The following FRMD4B variants were observed in gnomAD, a reference collection of about 807,000 sequenced individuals.
FRMD4B encodes FERM domain-containing protein 4B.
In FRMD4B, 74 loss-of-function variants were observed where a neutral mutation model predicts 141.5. The observed-to-expected ratio is 0.52, with a 90% CI of 0.43 to 0.63. The LOEUF is 0.63. Among genes scored for constraint, FRMD4B ranks in the 30% least tolerant of loss-of-function variants. The probability of loss-of-function intolerance (pLI) is 0.00; values close to 1 mark genes in which losing one functional copy is unlikely to be tolerated. For missense variants in FRMD4B, 1,366 were observed against 1,253.4 expected, an observed-to-expected ratio of 1.09 and a Z score of -1.36; for synonymous variants, 506 against 467.9, an observed-to-expected ratio of 1.08 and a Z score of -1.05.
chr3:69,321,162 G>C (rs754272463), intron 1 of FRMD4B, among the ~76,000 whole-genome samples: 22 of 152,144 alleles, frequency 1.4e-4, no homozygotes, highest in Non-Finnish European at 7.4e-5. Context: ...AGAGAGGAGA[G>C]TGGGTTGGTA....
At chr3:69,208,508 G>T (rs4428184) in intron 11 of FRMD4B, among the ~76,000 whole-genome samples, 134,991 of 152,152 alleles carry the variant, frequency 0.89, 60,750 homozygotes, top group Middle Eastern at 0.99. Flanking sequence ...CTTCTCCTGG[G>T]TTTCTAACAT....
At chr3:69,397,310 A>T (rs1704489791) in intron 2 of FRMD4B, among the ~76,000 whole-genome samples, 1 of 152,104 alleles carries the variant, frequency 6.6e-6, no homozygotes, top group Non-Finnish European at 1.5e-5. Context: ...GTTGCCAGGG[A>T]GTTGGGGCGT....
At chr3:69,303,862 G>A (rs1481018929) in intron 3 of FRMD4B, among the ~76,000 whole-genome samples, 2 of 152,134 alleles carry the variant, frequency 1.3e-5, no homozygotes, top group Non-Finnish European at 1.5e-5. Flanking sequence ...TGGGCCCAGG[G>A]AAGTCAAGGC....
At position 69,384,164 on chromosome 3, in the gene FRMD4B, T is replaced by C. The variant is rs778876631; in HGVS notation, c.162+1664A>G. 8.5e-5 allele frequency among the ~76,000 whole-genome samples: 13 copies of C among 152,102 alleles called. 1 individual carries two copies. The highest frequency in any genetic ancestry group is 1.3e-4 in the Non-Finnish European group (9 of 68,026). ...GTATTGGCTCAGTCACCATCCATTT[T>C]AGAGAAAAGAAAAAAATACATATAT... is the stretch of plus-strand genomic sequence containing the variant. On this transcript the variant is annotated intron_variant, in intron 1 of 22. Coordinates refer to ENST00000398540, the MANE Select transcript of FRMD4B (RefSeq NM_015123.3).
chr3:69,325,286 C>T (rs1327383932), intron 1 of FRMD4B, among the ~76,000 whole-genome samples: 7 of 152,186 alleles, frequency 4.6e-5, no homozygotes, highest in Admixed American at 3.3e-4. Flanking sequence ...AAAGGCTGGC[C>T]AGTCAATGGA....
At chr3:69,438,263 C>G (rs559783068) in intron 1 of FRMD4B, among the ~76,000 whole-genome samples, 1 of 151,716 alleles carries the variant, frequency 6.6e-6, no homozygotes, top group African/African-American at 2.4e-5. Flanking sequence ...CATTACCACA[C>G]CTGGGTAACT....
intron 4 of FRMD4B, among the ~76,000 whole-genome samples, chr3:69,301,362 A>G (rs542330662): frequency 6.6e-6 from 1 of 151,708 alleles, no homozygotes; most frequent in South Asian, 2.1e-4. Context: ...GAGTCTCACT[A>G]TTGTCCAGGC....
intron 1 of FRMD4B, chr3:69,471,354 T>A (rs1341892204): frequency 1.0e-5 from 2 of 198,768 alleles, no homozygotes. Flanking sequence ...TAAGGATTAA[T>A]GAGATAAGGT....
chr3:69,172,352 T>C (rs1235766513), intron 22 of FRMD4B, among the ~76,000 whole-genome samples: 2 of 152,182 alleles, frequency 1.3e-5, no homozygotes, highest in African/African-American at 2.4e-5. Context: ...CTATAGGACA[T>C]TAACTGGTTT....
chr3:69,384,419 G>C (rs2106696987), intron 1 of FRMD4B, among the ~76,000 whole-genome samples: 1 of 152,062 alleles, frequency 6.6e-6, no homozygotes, highest in South Asian at 2.1e-4. Context: ...ACACTAAAAA[G>C]GAAAAACAAA....
chr3:69,437,230 G>A (rs1705273455), intron 1 of FRMD4B, among the ~76,000 whole-genome samples: 1 of 151,802 alleles, frequency 6.6e-6, no homozygotes, highest in Non-Finnish European at 1.5e-5. Flanking sequence ...GCGCCACCAT[G>A]CCCAGCTTTT....
chr3:69,387,006 CACT>C (rs926257232), upstream of FRMD4B, among the ~76,000 whole-genome samples: 43 of 152,192 alleles, frequency 2.8e-4, no homozygotes, highest in Admixed American at 1.4e-3. Context: ...ACTGTTCCAC[CACT>C]CATGAAGTCA....
At position 69,404,044 on chromosome 3, in the gene FRMD4B, C is replaced by T. The variant is rs1056425916; in HGVS notation, c.-1+28590G>A. Among the ~76,000 whole-genome samples the T allele has an allele frequency of 1.7e-4, 26 of 152,242 alleles. No homozygotes were observed. In the South Asian group the frequency reaches 2.9e-3, roughly 17 times the overall value. ...TCAAGTAGCTAGGACTATAGGCATC[C>T]AACACCACACCTGGCTGTTTAAAAA... On this transcript the variant is annotated intron_variant, in intron 2 of 5. Coordinates refer to the FRMD4B transcript ENST00000459638.
At chr3:69,212,923 A>G (rs2093100624) in intron 11 of FRMD4B, among the ~76,000 whole-genome samples, 1 of 152,222 alleles carries the variant, frequency 6.6e-6, no homozygotes, top group South Asian at 2.1e-4. Flanking sequence ...CATGATAGAC[A>G]GCATTTTGGT....
intron 1 of FRMD4B, among the ~76,000 whole-genome samples, chr3:69,324,800 T>C (rs1297570207): frequency 2.6e-5 from 4 of 151,940 alleles, no homozygotes; most frequent in Non-Finnish European, 5.9e-5. Context: ...AATGAGGAAA[T>C]TGATGGAGAA....
At chr3:69,203,732 G>T (rs1264530258) in intron 11 of FRMD4B, among the ~76,000 whole-genome samples, 3 of 152,190 alleles carry the variant, frequency 2.0e-5, no homozygotes, top group African/African-American at 7.2e-5. Flanking sequence ...CTATGTTTGT[G>T]AAGCACTCAG....
chr3:69,224,554 G>A (rs376867029), intron 8 of FRMD4B, 53 bp downstream of exon 8: 74 of 813,636 alleles, frequency 9.1e-5, no homozygotes, highest in Middle Eastern at 6.6e-4. Context: ...AAAGCATGTA[G>A]TTCTGAATGG....
At chr3:69,465,192 C>A (rs1705763167) in intron 1 of FRMD4B, among the ~76,000 whole-genome samples, 1 of 151,946 alleles carries the variant, frequency 6.6e-6, no homozygotes, top group South Asian at 2.1e-4. Flanking sequence ...CCGTGGCAGG[C>A]ACCTGTAGTC....
rs2046611002 is a variant in FRMD4B at position 69,530,617 on chromosome 3, A to G, written c.-129+11589T>C. Among the ~76,000 whole-genome samples, 3 of 152,094 alleles carry G rather than the reference A, an allele frequency of 2.0e-5. No individual in the cohort carries two copies. In the South Asian group the frequency reaches 6.2e-4, roughly 32 times the overall value. ...ATACCTTTATAGCAACACAAAATGAACTAAGACGTTTAGTATCTGGCCCTC... is the reference window on the plus strand; with the variant it reads ...ATACCTTTATAGCAACACAAAATGAGCTAAGACGTTTAGTATCTGGCCCTC... On this transcript the variant is annotated intron_variant, in intron 1 of 5. Transcript: ENST00000459638.
Sources: allele counts gnomAD v4.1 joint callset (sites outside exome capture counted in the v4.1 genomes callset), GRCh38; gene constraint gnomAD v4.1.1; transcripts MANE v1.5; gene names NCBI Gene and HGNC (gene_info 2026-07-23, HGNC 2026-07-21).